The following BRF1 variants were observed in gnomAD, a reference collection of about 807,000 sequenced individuals.
The protein encoded by BRF1 is BRF1 general transcription factor IIIB subunit.
A neutral mutation model predicts 81.7 loss-of-function variants in BRF1; 59 were observed. The observed-to-expected ratio is 0.72, with a 90% CI of 0.59 to 0.90. BRF1 has a LOEUF of 0.90. BRF1 is among the 40% of genes least tolerant of loss of function. BRF1 has a pLI of 0.00. For missense variants in BRF1, 1,050 were observed against 936.3 expected, an observed-to-expected ratio of 1.12 and a Z score of -1.58; for synonymous variants, 491 against 395.6, an observed-to-expected ratio of 1.24 and a Z score of -2.86.
rs1483509368 is a variant in BRF1, at chr14:105,249,375, G to A, written c.544+3132C>T. On this transcript the variant is annotated intron_variant, in intron 5 of 17. Coordinates refer to ENST00000547530, the MANE Select transcript of BRF1 (RefSeq NM_001519.4). Reference sequence around the variant, plus strand: ...CTCCTCCCAGTACGTCTTGGCTGTCGGCAGCTCCGTCTTCTATGCCATGTT... The same window carrying A: ...CTCCTCCCAGTACGTCTTGGCTGTCAGCAGCTCCGTCTTCTATGCCATGTT... 2 of 1,611,420 alleles carry A rather than the reference G, an allele frequency of 1.2e-6. No homozygotes were observed. Among genetic ancestry groups the A allele is most frequent in the Non-Finnish European group, 8.5e-7 (1 of 1,179,464 alleles).
intron 10 of BRF1, among the ~76,000 whole-genome samples, chr14:105,225,049 C>T (rs887221802): frequency 5.3e-5 from 8 of 152,304 alleles, no homozygotes; most frequent in East Asian, 1.9e-4. Context: ...GGGCCCAGGC[C>T]GCAGGTGCCA....
chr14:105,249,500 G>A (rs747967041), intron 5 of BRF1: 4 of 1,592,462 alleles, frequency 2.5e-6, no homozygotes, highest in East Asian at 4.5e-5. Context: ...CTACTGGGGA[G>A]GGACGGGTGG....
At chr14:105,248,231 C>A (rs2055260248) in intron 5 of BRF1, 2 of 985,506 alleles carry the variant, frequency 2.0e-6, no homozygotes, top group African/African-American at 3.5e-5. Context: ...CGAGGAAGCC[C>A]AACGACCATC....
intron 1 of BRF1, among the ~76,000 whole-genome samples, chr14:105,306,871 G>C (rs2058203252): frequency 6.6e-6 from 1 of 151,982 alleles, no homozygotes; most frequent in Admixed American, 6.6e-5. Context: ...CTCCCAAAGT[G>C]CTGGGATTAC....
At chr14:105,229,633 C>A (rs1424549632) in intron 6 of BRF1, among the ~76,000 whole-genome samples, 1 of 151,078 alleles carries the variant, frequency 6.6e-6, no homozygotes, top group Non-Finnish European at 1.5e-5. Flanking sequence ...AACAGTCGCC[C>A]AGCTGGGGGC....
chr14:105,292,442 A>G (rs1211021710), intron 1 of BRF1, among the ~76,000 whole-genome samples: 7 of 152,056 alleles, frequency 4.6e-5, no homozygotes, highest in Non-Finnish European at 1.0e-4. Context: ...CAAACTCTTG[A>G]CCTCAAGTGA....
chr14:105,293,996 C>T (rs763230940), intron 1 of BRF1, among the ~76,000 whole-genome samples: 5 of 152,188 alleles, frequency 3.3e-5, no homozygotes, highest in Non-Finnish European at 5.9e-5. Flanking sequence ...GAGGAAGGGG[C>T]GGCTGGGGCC....
In BRF1 at chr14:105,221,797, G is replaced by A; in HGVS notation, c.1166C>T (p.Ala389Val). ...KDLYRELLGG[A>V]PGSSEAAGSP... ...TCCTGCTGCTTCCGAGCTGCCGGGG[G>A]CACCACCAAGGAGCTCCCGGTATAA... The change falls in exon 11 of 18, where the codon GCC (alanine) becomes GTC (valine). Residue 389 changes from alanine (A) to valine (V), a missense_variant. Around this residue, in one of 2 missense-constraint regions of BRF1, gnomAD observed 1,043 missense variants for 915.4 expected, o/e 1.14. Transcript: ENST00000547530. 1.9e-6 allele frequency: 3 copies of A among 1,611,738 alleles called. No individual in the cohort carries two copies. The highest frequency in any genetic ancestry group is 2.5e-6 in the Non-Finnish European group (3 of 1,179,676).
At chr14:105,254,878 T>C (rs1418161372) in intron 4 of BRF1, among the ~76,000 whole-genome samples, 1 of 152,210 alleles carries the variant, frequency 6.6e-6, no homozygotes, top group Non-Finnish European at 1.5e-5. Context: ...CATGCAGTTC[T>C]TTACAGAGTT....
chr14:105,229,267 C>A (rs1191462045), intron 6 of BRF1, among the ~76,000 whole-genome samples: 1 of 152,232 alleles, frequency 6.6e-6, no homozygotes, highest in Non-Finnish European at 1.5e-5. Context: ...CGGAGCCAGG[C>A]TGGGCAGGAA....
chr14:105,279,221 A>T (rs2140435787), intron 2 of BRF1, among the ~76,000 whole-genome samples: 1 of 152,316 alleles, frequency 6.6e-6, no homozygotes, highest in Middle Eastern at 3.4e-3. Context: ...TCAAAAAAAA[A>T]AATTCAGAAG....
Position 105,271,233 on chromosome 14 carries a change from C to T in BRF1, c.439+1488G>A, listed in dbSNP as rs587620295. ...CAGAGAAGAAGGGAGACACATCTAA[C>T]GACGAATTCAACAGAAGCTCAGGAC... On this transcript the variant is annotated intron_variant, in intron 3 of 17. Coordinates refer to ENST00000547530, the MANE Select transcript of BRF1 (RefSeq NM_001519.4). This position sits in a 1 kb window ranked among gnomAD's most constrained non-coding sequence, Gnocchi z 5.5. Among the ~76,000 whole-genome samples the T allele has an allele frequency of 3.8e-4, 58 of 152,318 alleles. 1 individual carries two copies. The Middle Eastern group carries it at 0.024, about 63-fold the overall frequency.
chr14:105,244,474 T>A (rs2054935189), intron 5 of BRF1, among the ~76,000 whole-genome samples: 1 of 151,740 alleles, frequency 6.6e-6, no homozygotes, highest in Non-Finnish European at 1.5e-5. Context: ...CAAAAAGTGT[T>A]TTTTTCAAGA....
intron 10 of BRF1, 59 bp downstream of exon 10, chr14:105,226,010 C>A (rs969579799): frequency 5.5e-6 from 8 of 1,460,572 alleles, no homozygotes; most frequent in African/African-American, 4.2e-5. Flanking sequence ...CTGAAGAGAT[C>A]TGCTGAGACT....
rs144599061 is a variant in BRF1, at chr14:105,265,964, G to A, written c.439+6757C>T. 4.6e-5 allele frequency among the ~76,000 whole-genome samples: 7 copies of A among 151,228 alleles called. 1 individual carries two copies. In the East Asian group the frequency reaches 7.8e-4, roughly 17 times the overall value. On this transcript the variant is annotated intron_variant, in intron 3 of 17. Transcript: ENST00000547530. ...CATGCACCTGTAATCCCAGCTACTC[G>A]GGAGGCTGAGGCAGGAGAATCACTT...
Position 105,292,136 on chromosome 14 carries a change from A to G in BRF1, c.185-5760T>C, listed in dbSNP as rs140502179. Among the ~76,000 whole-genome samples, 465 of 152,246 alleles carry G rather than the reference A, an allele frequency of 3.1e-3. 3 individuals are homozygous for G. The Middle Eastern group carries it at 0.044, about 14-fold the overall frequency. On this transcript the variant is annotated intron_variant, in intron 1 of 17. Transcript: ENST00000547530. ...CTCCCAAATAGGCGGGACCACAGACATGCGCCACCACGCCTAGCTAATGTT... is the reference window on the plus strand; with the variant it reads ...CTCCCAAATAGGCGGGACCACAGACGTGCGCCACCACGCCTAGCTAATGTT...
At position 105,211,626 on chromosome 14, in the gene BRF1, G is replaced by A. The variant is rs116569757; in HGVS notation, c.1825-333C>T. ...GAGGACACTGTGGCCTCAGCCCCCG[G>A]GGGCTTGGCCTGCCCTGACCCCCAG... On this transcript the variant is annotated intron_variant, in intron 16 of 17. Coordinates refer to ENST00000547530, the MANE Select transcript of BRF1 (RefSeq NM_001519.4). 4.1e-3 allele frequency: 1,519 copies of A among 367,090 alleles called. 20 individuals are homozygous for A. The highest frequency in any genetic ancestry group is 0.029 in the African/African-American group (1,384 of 47,724). The allele number at this position is 367,090 out of a possible 1,614,324, so 22.7% of individuals were successfully genotyped here.
chr14:105,273,161 GCC>G (rs2056731988), intron 2 of BRF1, among the ~76,000 whole-genome samples: 1 of 152,176 alleles, frequency 6.6e-6, no homozygotes, highest in Non-Finnish European at 1.5e-5. Flanking sequence ...GGCTGAATGT[GCC>G]TCTCTCCAGG....
At position 105,210,720 on chromosome 14, in the gene BRF1, C is replaced by G; in HGVS notation, c.1997-132G>C. On this transcript the variant is annotated intron_variant, in intron 17 of 17. Coordinates refer to ENST00000547530, the MANE Select transcript of BRF1 (RefSeq NM_001519.4). This position sits in a 1 kb window ranked among gnomAD's most constrained non-coding sequence, Gnocchi z 4.7. ...GCCCCAGCCCCAGCCCCCCGCGCCC[C>G]GCCAGGAGCCATCTTGGGCTCCTCT... The G allele has an allele frequency of 9.8e-7, 1 of 1,022,346 alleles. No individual in the cohort carries two copies. Among genetic ancestry groups the G allele is most frequent in the South Asian group, 1.5e-5 (1 of 66,570 alleles). The allele number at this position is 1,022,346 out of a possible 1,614,324, so 63.3% of individuals were successfully genotyped here. A position where few individuals can be genotyped will look rare whatever the true frequency, so the allele number is the denominator to read the frequency against.
Sources: allele counts gnomAD v4.1 joint callset (sites outside exome capture counted in the v4.1 genomes callset), GRCh38; gene constraint gnomAD v4.1.1; regional missense constraint gnomAD v4.1.1; non-coding constraint Gnocchi (gnomAD v3.1); transcripts MANE v1.5; gene names NCBI Gene and HGNC (gene_info 2026-07-23, HGNC 2026-07-21).